TMEFF1: variants seen among roughly 807,000 people sequenced by gnomAD.
The protein encoded by TMEFF1 is tomoregulin-1.
TMEFF1 carries 20 observed loss-of-function variants against 47.5 expected under a neutral mutation model. The ratio of observed to expected loss-of-function variants is 0.42; its 90% confidence interval spans 0.30 to 0.61. TMEFF1 has a LOEUF of 0.61. Ranked by LOEUF, TMEFF1 falls within the 20% of genes least tolerant of loss-of-function variation. The probability of loss-of-function intolerance (pLI) is 0.19; values close to 1 mark genes in which losing one functional copy is unlikely to be tolerated. For missense variants in TMEFF1, 411 were observed against 471.1 expected (o/e 0.87, Z 1.18); for synonymous variants, 162 against 166.3 (o/e 0.97, Z 0.20).
intron 7 of TMEFF1, among the ~76,000 whole-genome samples, chr9:100,556,724 C>T (rs1838921884): frequency 6.6e-6 from 1 of 152,194 alleles, no homozygotes; most frequent in Admixed American, 6.5e-5. Context: ...ATCTGAGTTT[C>T]TGAGCTCATT....
chr9:100,500,680 A>G (rs989352827), intron 2 of TMEFF1, among the ~76,000 whole-genome samples: 1 of 152,204 alleles, frequency 6.6e-6, no homozygotes, highest in Non-Finnish European at 1.5e-5. Context: ...GCTAATGTCC[A>G]TATCTAGGAC....
At chr9:100,495,439 C>G (rs1483317176) in intron 1 of TMEFF1, among the ~76,000 whole-genome samples, 2 of 151,686 alleles carry the variant, frequency 1.3e-5, no homozygotes, top group East Asian at 3.9e-4. Flanking sequence ...GTTTTGTCCC[C>G]TGTCTCTTGA....
intron 8 of TMEFF1, among the ~76,000 whole-genome samples, chr9:100,567,199 T>C (rs1422306674): frequency 6.6e-6 from 1 of 152,192 alleles, no homozygotes; most frequent in East Asian, 1.9e-4. Context: ...GGGCATGCCA[T>C]GCATGCATGG....
chr9:100,497,320 CTTTTTTTTTTT>C (rs752427622), intron 1 of TMEFF1, among the ~76,000 whole-genome samples: 76 of 59,560 alleles, frequency 1.3e-3, no homozygotes, highest in African/African-American at 4.9e-3. Flanking sequence ...CCACTCATGT[CTTTTTTTTTTT>C]TTTTTTTTTT....
In TMEFF1 at chr9:100,576,498, C is replaced by T. The variant is rs1455167532; in HGVS notation, c.1059-18C>T. 2 of 1,601,922 alleles carry T rather than the reference C, an allele frequency of 1.2e-6. No individual in the cohort carries two copies. Among genetic ancestry groups the T allele is most frequent in the African/African-American group, 2.7e-5 (2 of 73,996 alleles). ...ATCAAAACAATATTTTTCTCTCTTT[C>T]TTTTTTTAATGCAACAGAAAATGCC... is the stretch of plus-strand genomic sequence containing the variant. On this transcript the variant is annotated intron_variant, in intron 9 of 9. Transcript: ENST00000374879.
chr9:100,501,493 A>C (rs902596361), intron 2 of TMEFF1, among the ~76,000 whole-genome samples: 1 of 151,734 alleles, frequency 6.6e-6, no homozygotes, highest in East Asian at 1.9e-4. Flanking sequence ...CCTCATGTTG[A>C]TTTGTAAAGA....
At chr9:100,490,554 A>G (rs527602773) in intron 1 of TMEFF1, among the ~76,000 whole-genome samples, 24 of 152,184 alleles carry the variant, frequency 1.6e-4, no homozygotes, top group Non-Finnish European at 2.8e-4. Context: ...TTTTGAATAC[A>G]TTATCTAATC....
At chr9:100,542,192 A>G (rs1194962753) in intron 5 of TMEFF1, among the ~76,000 whole-genome samples, 1 of 151,758 alleles carries the variant, frequency 6.6e-6, no homozygotes, top group Non-Finnish European at 1.5e-5. Flanking sequence ...CAATTTTAAC[A>G]TGCATATTCA....
intron 5 of TMEFF1, among the ~76,000 whole-genome samples, chr9:100,527,568 C>G (rs1473801520): frequency 1.3e-5 from 2 of 152,220 alleles, no homozygotes; most frequent in African/African-American, 4.8e-5. Context: ...GATTATATCC[C>G]GCACCTGGCT....
intron 5 of TMEFF1, among the ~76,000 whole-genome samples, chr9:100,532,730 A>G (rs1438157819): frequency 6.6e-6 from 1 of 151,948 alleles, no homozygotes; most frequent in African/African-American, 2.4e-5. Flanking sequence ...CAGCCATCCC[A>G]TTACTGGGTA....
At chr9:100,531,481 T>G (rs1426822725) in intron 5 of TMEFF1, among the ~76,000 whole-genome samples, 1 of 152,058 alleles carries the variant, frequency 6.6e-6, no homozygotes, top group African/African-American at 2.4e-5. Flanking sequence ...TGAGCTCCCA[T>G]TCACAATTGC....
At chr9:100,555,104 C>G (rs1838891847) in intron 7 of TMEFF1, among the ~76,000 whole-genome samples, 1 of 151,968 alleles carries the variant, frequency 6.6e-6, no homozygotes, top group African/African-American at 2.4e-5. Context: ...TTCTGAATGC[C>G]TCTGTGGGTG....
At chr9:100,552,389 A>T (rs1238880326) in intron 7 of TMEFF1, among the ~76,000 whole-genome samples, 1 of 152,198 alleles carries the variant, frequency 6.6e-6, no homozygotes, top group Non-Finnish European at 1.5e-5. Flanking sequence ...TCAAGCTCAG[A>T]TGACTTAGAT....
chr9:100,549,336 C>T (rs538257521), intron 6 of TMEFF1, among the ~76,000 whole-genome samples: 4 of 152,218 alleles, frequency 2.6e-5, no homozygotes, highest in African/African-American at 9.6e-5. Context: ...ATGAGAACAG[C>T]GAGAGGGAAA....
intron 2 of TMEFF1, among the ~76,000 whole-genome samples, chr9:100,500,104 A>T (rs999985070): frequency 2.0e-5 from 3 of 152,314 alleles, no homozygotes; most frequent in Middle Eastern, 3.4e-3. Context: ...TCTGCATAGC[A>T]TGGAAGGTGA....
Position 100,516,701 on chromosome 9 carries a change from C to A in TMEFF1, c.490C>A (p.His164Asn). 6.2e-7 allele frequency: 1 copy of A among 1,613,356 alleles called. No individual in the cohort carries two copies. Among genetic ancestry groups the A allele is most frequent in the South Asian group, 1.1e-5 (1 of 90,914 alleles). ...AGAGGAAGGGTCAGGGGCAGAAGTT[C>A]ACAGAAAACACTCCAAGTGTGGACC... ...GEEEGSGAEV[H>N]RKHSKCGPCK... Residue 164 changes from histidine to asparagine, a missense_variant, in exon 5 of 10, where the codon CAC becomes AAC. By Grantham distance (68) the His-to-Asn change is moderately conservative (BLOSUM62 1). Coordinates refer to ENST00000374879, the MANE Select transcript of TMEFF1 (RefSeq NM_003692.5).
At chr9:100,511,773 T>C (rs1564014232) in intron 3 of TMEFF1, among the ~76,000 whole-genome samples, 1 of 152,196 alleles carries the variant, frequency 6.6e-6, no homozygotes, top group Non-Finnish European at 1.5e-5. Context: ...AAATCAGTGC[T>C]TTCTCAGTGG....
chr9:100,518,822 C>A (rs968907726), intron 5 of TMEFF1, among the ~76,000 whole-genome samples: 4 of 151,902 alleles, frequency 2.6e-5, no homozygotes, highest in Non-Finnish European at 5.9e-5. Context: ...AAAGCACCTT[C>A]CATGTGTTTT....
rs1242944227 is a variant in TMEFF1 at position 100,539,821 on chromosome 9, A to AGCTGATTGGTCCGTTTTACAGGGG, written c.561-7910_561-7887dup. On this transcript the variant is annotated intron_variant, in intron 5 of 9. Coordinates refer to ENST00000374879, the MANE Select transcript of TMEFF1 (RefSeq NM_003692.5). Reference sequence around the variant, plus strand: ...CTGCAGATTGGTCCATTTTACAGAGAGCTGATTGGTCCGTTTTACAGGGGG... The same window carrying AGCTGATTGGTCCGTTTTACAGGGG: ...CTGCAGATTGGTCCATTTTACAGAGAGCTGATTGGTCCGTTTTACAGGGGGCTGATTGGTCCGTTTTACAGGGGG... Among the ~76,000 whole-genome samples, 63 of 152,200 alleles carry AGCTGATTGGTCCGTTTTACAGGGG rather than the reference A, an allele frequency of 4.1e-4. No individual in the cohort carries two copies. In the South Asian group the frequency reaches 0.011, roughly 28 times the overall value.
Sources: gnomAD v4.1 joint callset for allele counts (sites outside exome capture counted in the v4.1 genomes callset) on GRCh38, gnomAD v4.1.1 for gene constraint, MANE v1.5 for transcripts, NCBI Gene and HGNC (gene_info 2026-07-23, HGNC 2026-07-21) for gene names.